SNX24: variants seen among roughly 807,000 people sequenced by gnomAD.
SNX24 encodes the protein sorting nexin-24.
In SNX24, 22 loss-of-function variants were observed where a neutral mutation model predicts 28.7. The ratio of observed to expected loss-of-function variants is 0.77; its 90% CI spans 0.55 to 1.10. The LOEUF (loss-of-function observed/expected upper bound fraction) is 1.10, where lower values mean the gene tolerates loss of function less well. Ranked by LOEUF, SNX24 falls within the 50% of genes least tolerant of loss-of-function variation. SNX24 has a pLI of 0.00. For missense variants in SNX24, 221 were observed against 201.1 expected (o/e 1.10, Z -0.60); for synonymous variants, 69 against 71.5 (o/e 0.96, Z 0.18).
At chr5:122,882,170 C>T (rs1756508559) in intron 1 of SNX24, among the ~76,000 whole-genome samples, 1 of 151,998 alleles carries the variant, frequency 6.6e-6, no homozygotes, top group South Asian at 2.1e-4. Flanking sequence ...AGGCTGGTCT[C>T]CGACTCCTTG....
intron 1 of SNX24, among the ~76,000 whole-genome samples, chr5:122,875,595 TA>T (rs1756188268): frequency 6.6e-6 from 1 of 152,208 alleles, no homozygotes; most frequent in Non-Finnish European, 1.5e-5. Flanking sequence ...ATGGAGATAA[TA>T]AATGAAAAGT....
intron 1 of SNX24, among the ~76,000 whole-genome samples, chr5:122,929,311 C>T (rs1437588895): frequency 6.6e-6 from 1 of 152,156 alleles, no homozygotes; most frequent in Non-Finnish European, 1.5e-5. Flanking sequence ...TCTGAAGCAT[C>T]AGCTCTTTAG....
intron 1 of SNX24, among the ~76,000 whole-genome samples, chr5:122,898,104 T>G (rs181129354): frequency 6.6e-6 from 1 of 152,210 alleles, no homozygotes; most frequent in African/African-American, 2.4e-5. Flanking sequence ...AATTGTGATC[T>G]GTTGTCTGAA....
At chr5:122,886,012 C>T (rs1403192032) in intron 1 of SNX24, among the ~76,000 whole-genome samples, 1 of 151,954 alleles carries the variant, frequency 6.6e-6, no homozygotes, top group Non-Finnish European at 1.5e-5. Flanking sequence ...TCCTAACAGG[C>T]CACAGACCGT....
intron 3 of SNX24, among the ~76,000 whole-genome samples, chr5:122,999,431 TA>T (rs1762163465): frequency 6.7e-6 from 1 of 149,340 alleles, no homozygotes; most frequent in Non-Finnish European, 1.5e-5. Flanking sequence ...ATTTCCTAAA[TA>T]GTAGTGGTCT....
At position 122,940,270 on chromosome 5, in the gene SNX24, AG is replaced by A. The variant is rs1473680440; in HGVS notation, c.144+3455del. Reference sequence around the variant, plus strand: ...CTGCCTCCCAAAGTGCTAGAGTTACAGGCATGAGCCACCGCGCCCAGACTAA... The same window carrying A: ...CTGCCTCCCAAAGTGCTAGAGTTACAGCATGAGCCACCGCGCCCAGACTAA... On this transcript the variant is annotated intron_variant, in intron 2 of 6. Coordinates refer to ENST00000261369, the MANE Select transcript of SNX24 (RefSeq NM_014035.4). Among the ~76,000 whole-genome samples, 3 of 152,298 alleles carry A rather than the reference AG, an allele frequency of 2.0e-5. No homozygotes were observed. The South Asian group carries it at 6.2e-4, about 32-fold the overall frequency.
chr5:122,895,888 C>T (rs1326568835), intron 1 of SNX24, among the ~76,000 whole-genome samples: 1 of 152,220 alleles, frequency 6.6e-6, no homozygotes, highest in Non-Finnish European at 1.5e-5. Flanking sequence ...GTGGCTCATG[C>T]CTGTAATCCC....
intron 1 of SNX24, among the ~76,000 whole-genome samples, chr5:122,872,820 G>A (rs1209246516): frequency 3.4e-5 from 5 of 148,888 alleles, no homozygotes; most frequent in African/African-American, 7.5e-5. Context: ...TCTAGCTGGC[G>A]GTGGAATGGG....
At chr5:122,852,113 T>C (rs541213229) in intron 1 of SNX24, among the ~76,000 whole-genome samples, 1 of 150,598 alleles carries the variant, frequency 6.6e-6, no homozygotes, top group African/African-American at 2.4e-5. Context: ...CACATATCTA[T>C]CTATATCTAT....
intron 1 of SNX24, among the ~76,000 whole-genome samples, chr5:122,850,643 G>A: frequency 6.6e-6 from 1 of 152,104 alleles, no homozygotes; most frequent in East Asian, 1.9e-4. Flanking sequence ...GTACCAGTAA[G>A]CAAATAAGAA....
At chr5:122,859,987 A>G (rs1385545182) in intron 1 of SNX24, among the ~76,000 whole-genome samples, 1 of 152,238 alleles carries the variant, frequency 6.6e-6, no homozygotes, top group Non-Finnish European at 1.5e-5. Flanking sequence ...GAAGTCTAAT[A>G]GTGGCTGCCC....
chr5:122,980,368 T>C (rs906547627), intron 3 of SNX24, among the ~76,000 whole-genome samples: 1 of 152,154 alleles, frequency 6.6e-6, no homozygotes, highest in African/African-American at 2.4e-5. Flanking sequence ...GGAAATGTTT[T>C]ATTGTATGCT....
chr5:122,993,102 C>T (rs1361295090), intron 3 of SNX24, among the ~76,000 whole-genome samples: 1 of 151,916 alleles, frequency 6.6e-6, no homozygotes, highest in Non-Finnish European at 1.5e-5. Context: ...CTCTATAAAG[C>T]CCTGTGAAAC....
At chr5:122,936,370 A>C (rs562321587) in intron 1 of SNX24, among the ~76,000 whole-genome samples, 1 of 152,292 alleles carries the variant, frequency 6.6e-6, no homozygotes, top group African/African-American at 2.4e-5. Flanking sequence ...GCTTTTTACC[A>C]GAGTATTCCT....
chr5:122,882,353 C>G lies in SNX24; in HGVS notation c.60+36660C>G, dbSNP rs183897543. Reference sequence around the variant, plus strand: ...ACCTTGTTAGCCTTTTTTCCTACAGCGTCTTTCTGTTGTGATTTAGAGTAT... The same window carrying G: ...ACCTTGTTAGCCTTTTTTCCTACAGGGTCTTTCTGTTGTGATTTAGAGTAT... On this transcript the variant is annotated intron_variant, in intron 1 of 6. Transcript: ENST00000261369. Among the ~76,000 whole-genome samples the G allele has an allele frequency of 3.2e-4, 48 of 152,280 alleles. No individual in the cohort carries two copies. The East Asian group carries it at 7.1e-3, about 23-fold the overall frequency.
intron 6 of SNX24, 125 bp from the exon 7 acceptor site, chr5:123,007,557 G>A (rs1762458198): frequency 2.3e-6 from 2 of 872,686 alleles, no homozygotes; most frequent in Admixed American, 3.0e-5. Context: ...CATGCCTGGC[G>A]ATGCAGATTC....
At chr5:123,005,701 T>C (rs1762400504) in intron 6 of SNX24, among the ~76,000 whole-genome samples, 1 of 152,244 alleles carries the variant, frequency 6.6e-6, no homozygotes. Context: ...TATTTGAGTA[T>C]CTTTTAGAAA....
At chr5:123,025,643 A>G (rs1021791472) in intron 5 of SNX24, 9 of 821,150 alleles carry the variant, frequency 1.1e-5, no homozygotes, top group Non-Finnish European at 1.7e-5. Flanking sequence ...GCCATACCAT[A>G]TATAATTTAT....
intron 3 of SNX24, among the ~76,000 whole-genome samples, chr5:122,967,637 GA>G (rs1760768175): frequency 6.6e-6 from 1 of 152,206 alleles, no homozygotes; most frequent in African/African-American, 2.4e-5. Flanking sequence ...TTCACAAGTT[GA>G]AATGTCAGAC....
Sources: allele counts gnomAD v4.1 joint callset (sites outside exome capture counted in the v4.1 genomes callset), GRCh38; gene constraint gnomAD v4.1.1; transcripts MANE v1.5; gene names NCBI Gene and HGNC (gene_info 2026-07-23, HGNC 2026-07-21).